Variants in VPS13C observed in about 807,000 individuals in gnomAD.
The protein encoded by VPS13C is vacuolar protein sorting 13 homolog C.
A neutral mutation model predicts 456.8 loss-of-function variants in VPS13C; 358 were observed. The ratio of observed to expected loss-of-function variants is 0.78; its 90% confidence interval spans 0.72 to 0.86. VPS13C has a LOEUF of 0.86. VPS13C is among the 40% of genes least tolerant of loss of function. VPS13C has a pLI of 0.00. For synonymous variants in VPS13C, 1,578 were observed against 1,486.7 expected (o/e 1.06, Z -1.41); for missense variants, 4,818 against 4,385.4 (o/e 1.10, Z -2.79).
intron 53 of VPS13C, among the ~76,000 whole-genome samples, chr15:61,923,148 G>C (rs916675470): frequency 1.3e-5 from 2 of 150,786 alleles, no homozygotes; most frequent in East Asian, 3.9e-4. Context: ...CATTAACTAA[G>C]CCAAAGTGTG....
At chr15:61,975,306 C>A (rs2045672238) in intron 24 of VPS13C, among the ~76,000 whole-genome samples, 1 of 151,750 alleles carries the variant, frequency 6.6e-6, no homozygotes. Context: ...AAAAAAGAAT[C>A]AAAAGAGAGA....
At chr15:61,940,042 A>G (rs36004142) in intron 47 of VPS13C, among the ~76,000 whole-genome samples, 8,594 of 152,076 alleles carry the variant, frequency 0.057, 308 homozygotes, top group Non-Finnish European at 0.08. Flanking sequence ...ACATTTGCCT[A>G]TTAAAATGGT....
intron 73 of VPS13C, among the ~76,000 whole-genome samples, chr15:61,879,197 A>G (rs1166390453): frequency 6.6e-6 from 1 of 152,102 alleles, no homozygotes; most frequent in African/African-American, 2.4e-5. Context: ...CCTCCAACTT[A>G]GTATTTAAAC....
rs1454492303 is a variant in VPS13C, at chr15:61,980,014, T to C, written c.2167-1265A>G. On this transcript the variant is annotated intron_variant, in intron 22 of 84. Transcript: ENST00000644861. ...GCCAGGCCAACATGGTGAAACCCCGTCTCTACTAAAAATACAAAAATTATC... is the reference window on the plus strand; with the variant it reads ...GCCAGGCCAACATGGTGAAACCCCGCCTCTACTAAAAATACAAAAATTATC... 4.6e-5 allele frequency among the ~76,000 whole-genome samples: 7 copies of C among 150,910 alleles called. No homozygotes were observed. The South Asian group carries it at 1.1e-3, about 23-fold the overall frequency.
At chr15:62,044,648 T>C (rs1384558093) in intron 1 of VPS13C, among the ~76,000 whole-genome samples, 4 of 152,152 alleles carry the variant, frequency 2.6e-5, no homozygotes. Flanking sequence ...GGTTCTTTAA[T>C]TACGTTATCA....
chr15:62,044,561 G>C (rs1396907985), intron 1 of VPS13C, among the ~76,000 whole-genome samples: 1 of 152,110 alleles, frequency 6.6e-6, no homozygotes, highest in Non-Finnish European at 1.5e-5. Context: ...ACCAAAGAAA[G>C]TAGCCATCAT....
rs771650920 is a variant in VPS13C, at chr15:61,863,446, G to A, written c.10946C>T (p.Thr3649Ile). ...TGTCACTTCAAGTCAGTACCTATTT[G>A]TAACCATAAGGATTGTCTTCTTGCT... ...PGSKKTILMV[T>I]NRRVLCIKEV... is the part of the protein sequence containing the mutation. The change falls in exon 82 of 85, where the codon ACA becomes ATA. Residue 3649 changes from threonine to isoleucine, a missense_variant. This residue lies in a region of VPS13C where 261 missense variants were observed against 234.1 expected (regional missense o/e 1.11). Transcript: ENST00000644861. 4 of 1,610,356 alleles carry A rather than the reference G, an allele frequency of 2.5e-6. No homozygotes were observed. Among genetic ancestry groups the A allele is most frequent in the Non-Finnish European group, 3.4e-6 (4 of 1,177,794 alleles).
chr15:61,980,213 A>G (rs931234646), intron 22 of VPS13C, among the ~76,000 whole-genome samples: 141 of 141,858 alleles, frequency 9.9e-4, no homozygotes, highest in Non-Finnish European at 1.8e-3. Context: ...AAAAAAAAAA[A>G]GAGAGAGAGA....
Position 61,853,063 on chromosome 15 carries a change from A to G in VPS13C, c.*1394T>C, listed in dbSNP as rs1159066824. The G allele has an allele frequency of 1.3e-5, 2 of 152,128 alleles. No individual in the cohort carries two copies. The highest frequency in any genetic ancestry group is 2.9e-5 in the Non-Finnish European group (2 of 67,988). 9.4% of individuals were successfully genotyped at this position (152,128 alleles called of 1,614,324 possible). ...CCAAAAAACTTACATATTTTTGAGT[A>G]TTTTTTAAAGTTTTAATAGTTTATC... is the stretch of plus-strand genomic sequence containing the variant. On this transcript the variant is annotated 3_prime_UTR_variant, in exon 85 of 85. Coordinates refer to ENST00000644861, the MANE Select transcript of VPS13C (RefSeq NM_020821.3).
intron 16 of VPS13C, among the ~76,000 whole-genome samples, chr15:61,996,182 T>C (rs1031691822): frequency 6.6e-6 from 1 of 152,134 alleles, no homozygotes; most frequent in Admixed American, 6.5e-5. Context: ...CAAACCAAAG[T>C]AGCAAAGGTC....
chr15:61,995,629 T>C (rs2046358648), intron 16 of VPS13C, among the ~76,000 whole-genome samples: 2 of 152,200 alleles, frequency 1.3e-5, no homozygotes, highest in Non-Finnish European at 2.9e-5. Flanking sequence ...GAACTGAAGA[T>C]GATATTTAGA....
rs1895369838 is a variant in VPS13C, at chr15:61,875,717, A to G, written c.10338+15T>C. The G allele has an allele frequency of 4.4e-6, 7 of 1,587,038 alleles. No homozygotes were observed. Among genetic ancestry groups the G allele is most frequent in the Non-Finnish European group, 6.0e-6 (7 of 1,158,850 alleles). The stretch of plus-strand genomic sequence containing the variant: ...TTTTCTGTACCTATCCTTAGAACAA[A>G]TAAGAGGTCAATACCTGGAAGGGTT... On this transcript the variant is annotated intron_variant, in intron 76 of 84. Transcript: ENST00000644861.
At chr15:61,880,584 T>C in intron 73 of VPS13C, 25 bp downstream of exon 73, 2 of 1,483,212 alleles carry the variant, frequency 1.3e-6, no homozygotes, top group Non-Finnish European at 1.8e-6. Context: ...TTCACTAAAT[T>C]TTCAAAATAA....
intron 54 of VPS13C, 68 bp from the exon 55 acceptor site, chr15:61,922,101 G>T: frequency 6.7e-7 from 1 of 1,492,962 alleles, no homozygotes; most frequent in Non-Finnish European, 9.3e-7. Flanking sequence ...GTAACCAATA[G>T]GGAAATTATT....
intron 81 of VPS13C, chr15:61,864,590 T>G (rs1894412577): frequency 3.1e-6 from 3 of 972,948 alleles, no homozygotes; most frequent in South Asian, 4.7e-5. Flanking sequence ...AGAAATCACA[T>G]TTGATATTAT....
At position 61,974,997 on chromosome 15, in the gene VPS13C, A is replaced by G. The variant is rs75821348; in HGVS notation, c.2409-580T>C. 2.6e-3 allele frequency among the ~76,000 whole-genome samples: 395 copies of G among 152,178 alleles called. 1 individual carries two copies. The highest frequency in any genetic ancestry group is 8.8e-3 in the African/African-American group (365 of 41,558). On this transcript the variant is annotated intron_variant, in intron 24 of 84. Transcript: ENST00000644861. ...AATTGCCTCAGGTTTATTTGTCTCA[A>G]TAGCCTTGTGGCAGCTAGTCATAAA...
At chr15:61,875,000 C>T in intron 76 of VPS13C, 49 bp from the exon 77 acceptor site, 1 of 1,460,838 alleles carries the variant, frequency 6.8e-7, no homozygotes, top group Middle Eastern at 2.3e-4. Context: ...ATTTAAGTTT[C>T]AGACTTTTAC....
Position 61,875,782 on chromosome 15 carries a change from T to C in VPS13C, c.10288A>G (p.Ile3430Val). The change falls in exon 76 of 85, where the codon ATT (isoleucine) becomes GTT (valine). Residue 3430 changes from isoleucine (I) to valine (V), a missense_variant. Ile to Val is a conservative substitution (Grantham distance 29). Coordinates refer to ENST00000644861, the MANE Select transcript of VPS13C (RefSeq NM_020821.3). ...TCAACTCCTTCAGACAGACCTCTAA[T>C]TAATCCAAATGGGTTTCCAAGTACA... ...LDVLGNPFGL[I>V]RGLSEGVEAL... 1 of 1,609,688 alleles carries C rather than the reference T, an allele frequency of 6.2e-7. No individual in the cohort carries two copies. Among genetic ancestry groups the C allele is most frequent in the Non-Finnish European group, 8.5e-7 (1 of 1,178,370 alleles).
intron 51 of VPS13C, among the ~76,000 whole-genome samples, chr15:61,928,924 A>G (rs2043960585): frequency 6.6e-6 from 1 of 152,014 alleles, no homozygotes; most frequent in Non-Finnish European, 1.5e-5. Flanking sequence ...AGGAGAGGAG[A>G]GAACAGGAAA....
Sources: gnomAD v4.1 joint callset for allele counts (sites outside exome capture counted in the v4.1 genomes callset) on GRCh38, gnomAD v4.1.1 for gene constraint, gnomAD v4.1.1 regional missense constraint, MANE v1.5 for transcripts, NCBI Gene and HGNC (gene_info 2026-07-23, HGNC 2026-07-21) for gene names.